The following SNTG2 variants were observed in gnomAD, a reference collection of about 807,000 sequenced individuals.
The protein encoded by SNTG2 is syntrophin gamma 2, also known as gamma-2-syntrophin.
SNTG2 carries 74 observed loss-of-function variants against 70.9 expected under a neutral mutation model. That is an observed-to-expected ratio of 1.04 (90% CI 0.86 to 1.27). SNTG2 has a LOEUF of 1.27. Ranked by LOEUF, SNTG2 falls within the 50% of genes most tolerant of loss-of-function variation. The pLI is 0.00. For synonymous variants in SNTG2, 278 were observed against 273.8 expected, an observed-to-expected ratio of 1.02 and a Z score of -0.15; for missense variants, 717 against 690.7, an observed-to-expected ratio of 1.04 and a Z score of -0.43.
intron 12 of SNTG2, among the ~76,000 whole-genome samples, chr2:1,254,792 C>T (rs960438724): frequency 1.3e-5 from 2 of 152,172 alleles, no homozygotes; most frequent in Non-Finnish European, 2.9e-5. Flanking sequence ...TACAAAACCA[C>T]CCATCTTGTC....
intron 1 of SNTG2, among the ~76,000 whole-genome samples, chr2:980,694 G>A (rs892737975): frequency 2.5e-4 from 26 of 105,242 alleles, no homozygotes; most frequent in South Asian, 8.4e-4. Context: ...ATAGACACAT[G>A]TACACACACA....
intron 8 of SNTG2, among the ~76,000 whole-genome samples, chr2:1,178,269 C>G (rs1671618691): frequency 6.6e-6 from 1 of 152,186 alleles, no homozygotes; most frequent in Non-Finnish European, 1.5e-5. Flanking sequence ...TTGACTTCCT[C>G]TTTTCCTAAT....
intron 1 of SNTG2, among the ~76,000 whole-genome samples, chr2:1,077,483 T>G (rs1196721040): frequency 6.6e-6 from 1 of 152,208 alleles, no homozygotes. Context: ...GGGAATGACT[T>G]TTATATTCCC....
chr2:1,305,204 G>T (rs958379157), intron 14 of SNTG2, among the ~76,000 whole-genome samples: 2 of 152,180 alleles, frequency 1.3e-5, no homozygotes, highest in Non-Finnish European at 2.9e-5. Flanking sequence ...TTCATCAGTA[G>T]ATCAAATGTT....
At chr2:1,123,410 A>G (rs535839038) in intron 4 of SNTG2, among the ~76,000 whole-genome samples, 5 of 152,322 alleles carry the variant, frequency 3.3e-5, no homozygotes, top group African/African-American at 9.6e-5. Context: ...CTAAACGTAC[A>G]TGCTCAACTA....
intron 8 of SNTG2, among the ~76,000 whole-genome samples, chr2:1,184,795 C>A (rs916966434): frequency 6.6e-6 from 1 of 152,176 alleles, no homozygotes; most frequent in African/African-American, 2.4e-5. Context: ...GGCAGAGACA[C>A]AAATCCAAAA....
At chr2:1,179,756 C>T (rs1671734574) in intron 8 of SNTG2, among the ~76,000 whole-genome samples, 1 of 149,944 alleles carries the variant, frequency 6.7e-6, no homozygotes, top group Non-Finnish European at 1.5e-5. Flanking sequence ...CCTGCATCGC[C>T]AAGTCAGTCC....
intron 16 of SNTG2, among the ~76,000 whole-genome samples, chr2:1,340,722 G>T (rs1660041820): frequency 6.6e-6 from 1 of 152,106 alleles, no homozygotes; most frequent in Non-Finnish European, 1.5e-5. Flanking sequence ...AATTATAAAA[G>T]CATCCTAGGT....
chr2:1,306,287 G>T (rs903342324), intron 14 of SNTG2, among the ~76,000 whole-genome samples: 1 of 152,154 alleles, frequency 6.6e-6, no homozygotes, highest in Admixed American at 6.5e-5. Context: ...TATCCTGGAA[G>T]GGTCAGGAGC....
Position 1,135,721 on chromosome 2 carries a change from TCAAAA to T in SNTG2, c.326-1890_326-1886del, listed in dbSNP as rs979096890. Among the ~76,000 whole-genome samples the T allele has an allele frequency of 4.6e-5, 7 of 152,330 alleles. No homozygotes were observed. In the South Asian group the frequency reaches 6.2e-4, roughly 14 times the overall value. On this transcript the variant is annotated intron_variant, in intron 4 of 16. Coordinates refer to ENST00000308624, the MANE Select transcript of SNTG2 (RefSeq NM_018968.4). ...TGGGTGACAAGTGCAAGACTCTGTC[TCAAAA>T]CAAAACAAAAAAACAAAGACATTAT... is the stretch of plus-strand genomic sequence containing the variant.
chr2:1,150,807 C>T (rs150960570), intron 6 of SNTG2, among the ~76,000 whole-genome samples: 25 of 152,246 alleles, frequency 1.6e-4, no homozygotes, highest in African/African-American at 5.5e-4. Flanking sequence ...AAGGGAAGAC[C>T]AGACCTCTCA....
intron 9 of SNTG2, among the ~76,000 whole-genome samples, chr2:1,233,415 C>T (rs999877730): frequency 1.3e-4 from 20 of 152,126 alleles, no homozygotes; most frequent in African/African-American, 9.7e-5. Flanking sequence ...AGATTCCCAG[C>T]GGTGTGGGCG....
intron 1 of SNTG2, among the ~76,000 whole-genome samples, chr2:1,055,817 T>A (rs1662356200): frequency 6.6e-6 from 1 of 152,188 alleles, no homozygotes; most frequent in African/African-American, 2.4e-5. Context: ...AATTGTATTT[T>A]CCATTCAGTT....
chr2:1,341,820 C>T (rs982262506), intron 16 of SNTG2: 1 of 150,880 alleles, frequency 6.6e-6, no homozygotes, highest in Non-Finnish European at 1.5e-5. Context: ...CCCAACAATG[C>T]TCTTTTTGTT....
chr2:963,808 C>T lies in SNTG2; in HGVS notation c.72+12740C>T, dbSNP rs961562501. 4.6e-5 allele frequency among the ~76,000 whole-genome samples: 7 copies of T among 152,178 alleles called. No individual in the cohort carries two copies. In the East Asian group the frequency reaches 9.6e-4, roughly 21 times the overall value. Reference sequence around the variant, plus strand: ...ACAGTTTACAGGACACATCTCCACTCGGTACTAAGTATAAATCCTTTGGAG... The same window carrying T: ...ACAGTTTACAGGACACATCTCCACTTGGTACTAAGTATAAATCCTTTGGAG... On this transcript the variant is annotated intron_variant, in intron 1 of 16. Coordinates refer to ENST00000308624, the MANE Select transcript of SNTG2 (RefSeq NM_018968.4).
intron 14 of SNTG2, among the ~76,000 whole-genome samples, chr2:1,271,909 T>G (rs1223347411): frequency 6.6e-6 from 1 of 152,008 alleles, no homozygotes; most frequent in Non-Finnish European, 1.5e-5. Context: ...TGGCTTCTCG[T>G]CAAGGAAACA....
At chr2:964,906 G>A (rs1455338321) in intron 1 of SNTG2, among the ~76,000 whole-genome samples, 2 of 152,136 alleles carry the variant, frequency 1.3e-5, no homozygotes, top group Non-Finnish European at 2.9e-5. Flanking sequence ...GAGAATGGGT[G>A]GCAGCCCCCT....
intron 15 of SNTG2, among the ~76,000 whole-genome samples, chr2:1,310,091 C>T (rs905234090): frequency 6.6e-6 from 1 of 152,240 alleles, no homozygotes; most frequent in African/African-American, 2.4e-5. Context: ...CTGCTTCTTG[C>T]TCTGTGTTTC....
chr2:962,898 C>T (rs1660399549), intron 1 of SNTG2, among the ~76,000 whole-genome samples: 1 of 152,142 alleles, frequency 6.6e-6, no homozygotes, highest in Non-Finnish European at 1.5e-5. Context: ...AATGAGCGTG[C>T]TAAGCCCCAC....
Sources: allele counts gnomAD v4.1 joint callset (sites outside exome capture counted in the v4.1 genomes callset), GRCh38; gene constraint gnomAD v4.1.1; transcripts MANE v1.5; gene names NCBI Gene and HGNC (gene_info 2026-07-23, HGNC 2026-07-21).